The following CACNA1E variants were observed in gnomAD, a reference collection of about 807,000 sequenced individuals.
The protein encoded by CACNA1E is calcium voltage-gated channel subunit alpha1 E, also known as voltage-dependent R-type calcium channel subunit alpha-1E.
Under a neutral mutation model 259.2 loss-of-function variants are expected in CACNA1E, and 40 were observed. The observed-to-expected ratio is 0.15, with a 90% confidence interval of 0.12 to 0.20. The LOEUF (loss-of-function observed/expected upper bound fraction) is 0.20. Ranked by LOEUF, CACNA1E falls within the 10% of genes least tolerant of loss-of-function variation. CACNA1E has a pLI of 1.00. For synonymous variants in CACNA1E, 1,104 were observed against 1,138.5 expected, an observed-to-expected ratio of 0.97 and a Z score of 0.61; for missense variants, 1,874 against 3,040.1, an observed-to-expected ratio of 0.62 and a Z score of 9.02.
intron 6 of CACNA1E, among the ~76,000 whole-genome samples, chr1:181,605,511 A>G (rs1377848602): frequency 6.6e-6 from 1 of 152,228 alleles, no homozygotes; most frequent in African/African-American, 2.4e-5. Flanking sequence ...AAACTACCAA[A>G]AGAGAAACAC....
At chr1:181,459,035 A>G (rs1661640777) in intron 2 of CACNA1E, among the ~76,000 whole-genome samples, 2 of 152,274 alleles carry the variant, frequency 1.3e-5, no homozygotes, top group African/African-American at 4.8e-5. Flanking sequence ...ATAGACAAGA[A>G]AATACAGGAT....
At chr1:181,321,937 C>G (rs1317980686) in intron 1 of CACNA1E, among the ~76,000 whole-genome samples, 1 of 152,224 alleles carries the variant, frequency 6.6e-6, no homozygotes, top group Non-Finnish European at 1.5e-5. Context: ...TTCAGGGTGG[C>G]TTTCTGCTCT....
At chr1:181,397,646 A>G (rs75810256) in intron 1 of CACNA1E, among the ~76,000 whole-genome samples, 287 of 152,302 alleles carry the variant, frequency 1.9e-3, no homozygotes, top group African/African-American at 6.8e-3. Flanking sequence ...AGACTCCAGG[A>G]AAAAGGAGGA....
chr1:181,404,922 G>T (rs2102105216), intron 1 of CACNA1E, among the ~76,000 whole-genome samples: 1 of 152,344 alleles, frequency 6.6e-6, no homozygotes, highest in African/African-American at 2.4e-5. Context: ...AGACCACATT[G>T]TAGGCCCCAT....
intron 25 of CACNA1E, among the ~76,000 whole-genome samples, chr1:181,745,590 G>C (rs1433153922): frequency 6.6e-6 from 1 of 152,084 alleles, no homozygotes; most frequent in Non-Finnish European, 1.5e-5. Flanking sequence ...AGATTTTAGA[G>C]TAACTTGAGT....
At chr1:181,726,415 G>T (rs981803709) in intron 18 of CACNA1E, among the ~76,000 whole-genome samples, 12 of 152,244 alleles carry the variant, frequency 7.9e-5, no homozygotes, top group Non-Finnish European at 1.5e-4. Context: ...CTATGGTGGA[G>T]AAGTACAGGA....
intron 2 of CACNA1E, among the ~76,000 whole-genome samples, chr1:181,444,928 TTC>T (rs376857212): frequency 2.6e-5 from 4 of 152,270 alleles, no homozygotes; most frequent in African/African-American, 9.6e-5. Context: ...TTCCTCTGTC[TTC>T]TCTCTCTGTA....
chr1:181,389,894 A>C (rs1287872726), intron 1 of CACNA1E, among the ~76,000 whole-genome samples: 1 of 152,272 alleles, frequency 6.6e-6, no homozygotes, highest in African/African-American at 2.4e-5. Flanking sequence ...GAAGACACAG[A>C]GATTTAGGTT....
chr1:181,413,965 C>G (rs1229830269), intron 2 of CACNA1E, among the ~76,000 whole-genome samples: 1 of 152,264 alleles, frequency 6.6e-6, no homozygotes, highest in East Asian at 1.9e-4. Context: ...ACTTCAGGAA[C>G]TGCAGCTAAC....
At chr1:181,459,514 A>C (rs1164807977) in intron 2 of CACNA1E, among the ~76,000 whole-genome samples, 2 of 152,218 alleles carry the variant, frequency 1.3e-5, no homozygotes, top group Admixed American at 1.3e-4. Flanking sequence ...TCCATCATCC[A>C]TGCCCTCTTG....
Position 181,711,048 on chromosome 1 carries a change from C to G in CACNA1E, c.1150C>G (p.Arg384Gly), listed in dbSNP as rs773379517. 2 of 1,613,414 alleles carry G rather than the reference C, an allele frequency of 1.2e-6. No individual in the cohort carries two copies. Among genetic ancestry groups the G allele is most frequent in the Non-Finnish European group, 1.7e-6 (2 of 1,179,584 alleles). Residue 384 changes from arginine to glycine, a missense_variant, in exon 8 of 48, where the codon CGT becomes GGT. Arg to Gly is a moderately radical substitution (Grantham distance 125). This residue lies in a region of CACNA1E where 157 missense variants were observed against 203.5 expected (regional missense o/e 0.77). Coordinates refer to ENST00000367573, the MANE Select transcript of CACNA1E (RefSeq NM_001205293.3). ...GATTGAGCGTGAGCTGAATGGCTAC[C>G]GTGCCTGGATAGACAAAGCAGGTAG... is the stretch of plus-strand genomic sequence containing the variant. ...QQIERELNGY[R>G]AWIDKAEEVM... is the part of the protein sequence containing the mutation.
At chr1:181,609,457 T>C (rs374472353) in intron 6 of CACNA1E, among the ~76,000 whole-genome samples, 1 of 152,084 alleles carries the variant, frequency 6.6e-6, no homozygotes, top group East Asian at 1.9e-4. Flanking sequence ...AGGGAGGATG[T>C]TAAACAGAAG....
At chr1:181,689,131 G>A (rs575364234) in intron 7 of CACNA1E, among the ~76,000 whole-genome samples, 5 of 144,172 alleles carry the variant, frequency 3.5e-5, no homozygotes, top group South Asian at 2.5e-4. Context: ...TCCCCTACCC[G>A]CCCCCTGATT....
intron 7 of CACNA1E, among the ~76,000 whole-genome samples, chr1:181,679,234 C>T (rs1447610116): frequency 6.6e-6 from 1 of 152,238 alleles, no homozygotes; most frequent in Non-Finnish European, 1.5e-5. Context: ...TATATTATCT[C>T]TTCCTTACAA....
chr1:181,333,042 T>C (rs963530249), intron 1 of CACNA1E, among the ~76,000 whole-genome samples: 1 of 151,998 alleles, frequency 6.6e-6, no homozygotes, highest in Non-Finnish European at 1.5e-5. Context: ...CAGGTAGGGG[T>C]GTTTCCATCC....
chr1:181,406,341 T>G (rs112636685), intron 1 of CACNA1E, among the ~76,000 whole-genome samples: 1 of 152,350 alleles, frequency 6.6e-6, no homozygotes, highest in East Asian at 1.9e-4. Flanking sequence ...TATGGCCAGG[T>G]GCTGTTCTAT....
chr1:181,644,278 T>C (rs1456354614), intron 6 of CACNA1E, among the ~76,000 whole-genome samples: 1 of 152,202 alleles, frequency 6.6e-6, no homozygotes, highest in Admixed American at 6.5e-5. Flanking sequence ...ATTTTGGTTC[T>C]AGATTGTGGC....
intron 3 of CACNA1E, among the ~76,000 whole-genome samples, chr1:181,573,928 A>G (rs112966595): frequency 1.3e-3 from 198 of 152,386 alleles, no homozygotes; most frequent in African/African-American, 4.6e-3. Flanking sequence ...CATATACACC[A>G]TGGAATACTA....
chr1:181,732,450 C>T lies in CACNA1E; in HGVS notation c.2364C>T (p.His788=). Residue 788 remains histidine, a synonymous_variant, in exon 20 of 48, where the codon CAC becomes CAT. Transcript: ENST00000367573. This position sits in a 1 kb window ranked among gnomAD's most constrained non-coding sequence, Gnocchi z 5.5. ...WEQRTSQLRK[H]MQMSSQEALN... ...AGCGTACCAGCCAGCTGAGGAAGCA[C>T]ATGCAGATGTCCAGCCAGGAGGCCC... is the stretch of plus-strand genomic sequence containing the variant. 6.4e-7 allele frequency: 1 copy of T among 1,550,570 alleles called. No individual in the cohort carries two copies. Among genetic ancestry groups the T allele is most frequent in the Non-Finnish European group, 8.7e-7 (1 of 1,146,434 alleles).
Sources: allele counts gnomAD v4.1 joint callset (sites outside exome capture counted in the v4.1 genomes callset), GRCh38; gene constraint gnomAD v4.1.1; regional missense constraint gnomAD v4.1.1; non-coding constraint Gnocchi (gnomAD v3.1); transcripts MANE v1.5; gene names NCBI Gene and HGNC (gene_info 2026-07-23, HGNC 2026-07-21).